TMEM163: variants seen among roughly 807,000 people sequenced by gnomAD.
The protein encoded by TMEM163 is transmembrane protein 163.
A neutral mutation model predicts 29.3 loss-of-function variants in TMEM163; 17 were observed. The observed-to-expected ratio is 0.58, with a 90% confidence interval of 0.40 to 0.87. TMEM163 has a LOEUF of 0.87. Among genes scored for constraint, TMEM163 ranks in the 40% least tolerant of loss-of-function variants. TMEM163 has a pLI of 0.00. For synonymous variants in TMEM163, 157 were observed against 160.6 expected (o/e 0.98, Z 0.17); for missense variants, 303 against 381.5 (o/e 0.79, Z 1.71).
At chr2:134,508,842 G>A (rs1679884732) in intron 4 of TMEM163, among the ~76,000 whole-genome samples, 1 of 152,050 alleles carries the variant, frequency 6.6e-6, no homozygotes, top group African/African-American at 2.4e-5. Context: ...TGTGGAGCGG[G>A]TGAGATTGAC....
chr2:134,669,072 G>A (rs759269170), intron 2 of TMEM163, among the ~76,000 whole-genome samples: 48 of 152,330 alleles, frequency 3.2e-4, no homozygotes, highest in Middle Eastern at 6.8e-3. Context: ...TGAGAGCAGA[G>A]CCTGGGGCTG....
chr2:134,489,982 G>A (rs928239328), intron 5 of TMEM163, among the ~76,000 whole-genome samples: 2 of 152,166 alleles, frequency 1.3e-5, no homozygotes, highest in Non-Finnish European at 2.9e-5. Context: ...TAATGGCCAC[G>A]TGCACACATG....
intron 2 of TMEM163, among the ~76,000 whole-genome samples, chr2:134,565,199 C>T (rs943530098): frequency 6.8e-6 from 1 of 147,474 alleles, no homozygotes; most frequent in African/African-American, 2.5e-5. Flanking sequence ...GATCACAACA[C>T]TGCACTCCAG....
intron 5 of TMEM163, among the ~76,000 whole-genome samples, chr2:134,470,764 C>T (rs1053740905): frequency 6.6e-6 from 1 of 152,220 alleles, no homozygotes; most frequent in Admixed American, 6.5e-5. Context: ...GATTACCCTA[C>T]CCAGGCCCAG....
At chr2:134,491,388 A>T (rs912634386) in intron 5 of TMEM163, among the ~76,000 whole-genome samples, 4 of 151,926 alleles carry the variant, frequency 2.6e-5, no homozygotes, top group Non-Finnish European at 5.9e-5. Flanking sequence ...CATTCAGGAG[A>T]GTGTGGAAAA....
intron 2 of TMEM163, among the ~76,000 whole-genome samples, chr2:134,627,685 C>G (rs1367880518): frequency 6.6e-6 from 1 of 152,120 alleles, no homozygotes; most frequent in Non-Finnish European, 1.5e-5. Context: ...GCAACAGAGA[C>G]AGTATATAAC....
chr2:134,680,348 C>A (rs749657517), intron 2 of TMEM163, among the ~76,000 whole-genome samples: 1 of 146,598 alleles, frequency 6.8e-6, no homozygotes, highest in Non-Finnish European at 1.5e-5. Flanking sequence ...ATTTAACACA[C>A]AAAAATGAGA....
chr2:134,706,882 A>C (rs772974006), intron 2 of TMEM163, among the ~76,000 whole-genome samples: 3 of 152,218 alleles, frequency 2.0e-5, no homozygotes, highest in Non-Finnish European at 4.4e-5. Flanking sequence ...CTCACAGCAC[A>C]GAGGGTGACA....
intron 2 of TMEM163, among the ~76,000 whole-genome samples, chr2:134,591,724 A>G (rs537151050): frequency 6.6e-6 from 1 of 152,246 alleles, no homozygotes; most frequent in South Asian, 2.1e-4. Flanking sequence ...TGTCTACCAA[A>G]TAAAGCTCAC....
chr2:134,502,444 G>C (rs1382000698), intron 5 of TMEM163, among the ~76,000 whole-genome samples: 1 of 152,144 alleles, frequency 6.6e-6, no homozygotes, highest in Non-Finnish European at 1.5e-5. Context: ...GTGTCCTCCA[G>C]TTTCAATATC....
intron 4 of TMEM163, among the ~76,000 whole-genome samples, chr2:134,522,705 G>A (rs1350360737): frequency 6.6e-6 from 1 of 152,218 alleles, no homozygotes; most frequent in Non-Finnish European, 1.5e-5. Flanking sequence ...GAACAGTAAA[G>A]AGAAAAGTCA....
chr2:134,552,099 G>T lies in TMEM163; in HGVS notation c.323-8C>A. The T allele has an allele frequency of 6.2e-7, 1 of 1,609,836 alleles. No individual in the cohort carries two copies. The highest frequency in any genetic ancestry group is 8.5e-7 in the Non-Finnish European group (1 of 1,177,048). ...ACCTCATAACGGAGACAGCTAAAAA[G>T]AAAGAAAATATTATTCAGAATATTT... On this transcript the variant is annotated splice_region_variant and splice_polypyrimidine_tract_variant and intron_variant, in intron 2 of 7. Transcript: ENST00000281924.
intron 5 of TMEM163, among the ~76,000 whole-genome samples, chr2:134,496,549 C>A (rs1414883118): frequency 1.3e-5 from 2 of 152,174 alleles, no homozygotes; most frequent in Admixed American, 1.3e-4. Context: ...AGATGGCCAC[C>A]TCGCCAGAGC....
intron 5 of TMEM163, among the ~76,000 whole-genome samples, chr2:134,499,622 C>CA (rs1219615993): frequency 6.6e-6 from 1 of 152,204 alleles, no homozygotes; most frequent in Non-Finnish European, 1.5e-5. Flanking sequence ...CTCTCTTACT[C>CA]AAAACTCACC....
chr2:134,579,655 G>T (rs1681645444), intron 2 of TMEM163, among the ~76,000 whole-genome samples: 1 of 152,070 alleles, frequency 6.6e-6, no homozygotes, highest in Non-Finnish European at 1.5e-5. Flanking sequence ...AACTAAATTG[G>T]TTCCACAGGG....
At chr2:134,621,830 G>T (rs1379815761) in intron 2 of TMEM163, among the ~76,000 whole-genome samples, 1 of 152,122 alleles carries the variant, frequency 6.6e-6, no homozygotes, top group Non-Finnish European at 1.5e-5. Flanking sequence ...GGTGGAGCTT[G>T]CAGTGAGCTG....
intron 2 of TMEM163, among the ~76,000 whole-genome samples, chr2:134,553,842 G>A (rs1174934393): frequency 6.6e-6 from 1 of 152,174 alleles, no homozygotes; most frequent in East Asian, 1.9e-4. Flanking sequence ...CACCAGCCAT[G>A]CCAGCCATGC....
intron 4 of TMEM163, among the ~76,000 whole-genome samples, chr2:134,534,618 G>A (rs1349763139): frequency 2.0e-5 from 3 of 152,092 alleles, no homozygotes; most frequent in Admixed American, 6.5e-5. Flanking sequence ...GCCAGGTGGG[G>A]TGGCGCACTC....
Position 134,490,393 on chromosome 2 carries a change from C to T in TMEM163, c.555+12508G>A, listed in dbSNP as rs1679404079. On this transcript the variant is annotated intron_variant, in intron 5 of 7. Transcript: ENST00000281924. The stretch of plus-strand genomic sequence containing the variant: ...CAGAACAGCCAACACTACAGATACT[C>T]AAGGAGCAGGTCCAGGGGTCCCTCC... Among the ~76,000 whole-genome samples, 3 of 152,278 alleles carry T rather than the reference C, an allele frequency of 2.0e-5. No individual in the cohort carries two copies. In the South Asian group the frequency reaches 6.2e-4, roughly 32 times the overall value.
Sources: allele counts gnomAD v4.1 joint callset (sites outside exome capture counted in the v4.1 genomes callset), GRCh38; gene constraint gnomAD v4.1.1; transcripts MANE v1.5; gene names NCBI Gene and HGNC (gene_info 2026-07-23, HGNC 2026-07-21).